LMNTD1: variants seen among roughly 807,000 people sequenced by gnomAD.
LMNTD1 encodes the protein lamin tail domain-containing protein 1.
Under a neutral mutation model 50.9 loss-of-function variants are expected in LMNTD1, and 35 were observed. That is an observed-to-expected ratio of 0.69 (90% CI 0.53 to 0.91). LMNTD1 has a LOEUF of 0.91. Ranked by LOEUF, LMNTD1 falls within the 40% of genes least tolerant of loss-of-function variation. LMNTD1 has a pLI of 0.00. For synonymous variants in LMNTD1, 153 were observed against 161.9 expected (o/e 0.94, Z 0.42); for missense variants, 470 against 475.5 (o/e 0.99, Z 0.11).
At chr12:25,561,254 T>C (rs1443022611) in intron 1 of LMNTD1, among the ~76,000 whole-genome samples, 2 of 152,248 alleles carry the variant, frequency 1.3e-5, no homozygotes, top group African/African-American at 4.8e-5. Flanking sequence ...ATTTTAGGTC[T>C]TTCCTGCTTT....
chr12:25,561,197 T>C (rs960502908), intron 1 of LMNTD1, among the ~76,000 whole-genome samples: 32 of 152,310 alleles, frequency 2.1e-4, no homozygotes, highest in African/African-American at 7.5e-4. Context: ...TTTGAATTTG[T>C]TTGCTCTTGC....
intron 1 of LMNTD1, among the ~76,000 whole-genome samples, chr12:25,588,883 T>C (rs1427233314): frequency 2.6e-5 from 4 of 152,134 alleles, no homozygotes; most frequent in Non-Finnish European, 5.9e-5. Flanking sequence ...ATAAGAAATA[T>C]GCTCAACATT....
intron 1 of LMNTD1, among the ~76,000 whole-genome samples, chr12:25,599,541 T>C (rs1455119134): frequency 6.6e-6 from 1 of 152,028 alleles, no homozygotes; most frequent in Non-Finnish European, 1.5e-5. Context: ...TAATCTTAAA[T>C]TTGGAAAAAC....
chr12:25,546,107 G>C (rs1487909750), intron 4 of LMNTD1, among the ~76,000 whole-genome samples: 1 of 151,624 alleles, frequency 6.6e-6, no homozygotes, highest in Non-Finnish European at 1.5e-5. Context: ...AAAGTGCCTT[G>C]AATAATTGAG....
chr12:25,539,761 C>T (rs1165124002), intron 4 of LMNTD1, among the ~76,000 whole-genome samples: 3 of 123,030 alleles, frequency 2.4e-5, no homozygotes, highest in South Asian at 2.7e-4. Context: ...ACAAAAAACC[C>T]TTTAAAAAAT....
intron 9 of LMNTD1, among the ~76,000 whole-genome samples, chr12:25,486,336 T>C (rs1430433046): frequency 1.3e-5 from 2 of 151,794 alleles, no homozygotes. Context: ...AGAATGCTTG[T>C]GATTTTTGCA....
At chr12:25,522,504 T>C (rs1162301837) in intron 6 of LMNTD1, among the ~76,000 whole-genome samples, 1 of 152,196 alleles carries the variant, frequency 6.6e-6, no homozygotes, top group Non-Finnish European at 1.5e-5. Context: ...GGTTTTATTT[T>C]AGTTCTATCA....
chr12:25,615,323 G>A (rs960370599), intron 1 of LMNTD1, among the ~76,000 whole-genome samples: 1 of 152,114 alleles, frequency 6.6e-6, no homozygotes, highest in African/African-American at 2.4e-5. Flanking sequence ...GAGTGTGTGA[G>A]GTAATTCAGT....
rs919945213 is a variant in LMNTD1 at position 25,563,927 on chromosome 12, C to T, written c.59-17373G>A. ...CTAGCAGTGAGTGAGGCTCCGTAGG[C>T]GTGGGACCCTCCAAGCCATGCGTGG... is the stretch of plus-strand genomic sequence containing the variant. On this transcript the variant is annotated intron_variant, in intron 1 of 7. Transcript: ENST00000445693. Among the ~76,000 whole-genome samples, 5 of 152,150 alleles carry T rather than the reference C, an allele frequency of 3.3e-5. No homozygotes were observed. The South Asian group carries it at 6.2e-4, about 19-fold the overall frequency.
chr12:25,602,815 G>A (rs1046795513), intron 1 of LMNTD1, among the ~76,000 whole-genome samples: 2 of 151,952 alleles, frequency 1.3e-5, no homozygotes, highest in Admixed American at 1.3e-4. Flanking sequence ...AAAATCAGCT[G>A]AAACAAACGA....
At chr12:25,526,256 T>G (rs1253687730) in intron 5 of LMNTD1, 38 bp from the exon 6 acceptor site, 3 of 1,594,088 alleles carry the variant, frequency 1.9e-6, no homozygotes, top group African/African-American at 1.4e-5. Flanking sequence ...CCACTGGAGT[T>G]GAACACAATT....
chr12:25,626,138 T>C (rs189314606), intron 1 of LMNTD1, among the ~76,000 whole-genome samples: 6 of 152,330 alleles, frequency 3.9e-5, no homozygotes, highest in Non-Finnish European at 7.3e-5. Context: ...AAACAATGTG[T>C]CAGAAAAACA....
chr12:25,504,312 A>G (rs538593931), intron 8 of LMNTD1, among the ~76,000 whole-genome samples: 162 of 152,138 alleles, frequency 1.1e-3, no homozygotes, highest in African/African-American at 3.8e-3. Flanking sequence ...ATGTCAGTCA[A>G]CTCCAGCCTG....
chr12:25,611,308 A>G, intron 1 of LMNTD1, among the ~76,000 whole-genome samples: 1 of 152,226 alleles, frequency 6.6e-6, no homozygotes, highest in East Asian at 1.9e-4. Flanking sequence ...ATTTTTAAAA[A>G]CATTACTAAT....
chr12:25,575,195 C>T (rs1390781589), intron 1 of LMNTD1, among the ~76,000 whole-genome samples: 1 of 152,098 alleles, frequency 6.6e-6, no homozygotes, highest in Non-Finnish European at 1.5e-5. Flanking sequence ...TGGCATGAAG[C>T]TGGGACACCC....
At chr12:25,501,205 G>A (rs1001515510) in intron 9 of LMNTD1, among the ~76,000 whole-genome samples, 3 of 152,200 alleles carry the variant, frequency 2.0e-5, no homozygotes, top group Non-Finnish European at 4.4e-5. Flanking sequence ...TGACCAGGCT[G>A]CCTTTGAACT....
chr12:25,543,581 ATT>A (rs1943238505), intron 4 of LMNTD1, among the ~76,000 whole-genome samples: 1 of 151,258 alleles, frequency 6.6e-6, no homozygotes, highest in East Asian at 1.9e-4. Context: ...TCTCAATTTC[ATT>A]TATTTTTCTC....
intron 9 of LMNTD1, among the ~76,000 whole-genome samples, chr12:25,480,109 G>A (rs1379678942): frequency 1.3e-5 from 2 of 152,196 alleles, no homozygotes; most frequent in Admixed American, 6.5e-5. Flanking sequence ...ACCCAATGGT[G>A]AGCACTCACG....
intron 4 of LMNTD1, among the ~76,000 whole-genome samples, chr12:25,528,997 T>G (rs903887148): frequency 2.0e-5 from 3 of 152,148 alleles, no homozygotes; most frequent in South Asian, 4.1e-4. Flanking sequence ...CTTATTTACT[T>G]CACAACCACC....
Sources: gnomAD v4.1 joint callset for allele counts (sites outside exome capture counted in the v4.1 genomes callset) on GRCh38, gnomAD v4.1.1 for gene constraint, MANE v1.5 for transcripts, NCBI Gene and HGNC (gene_info 2026-07-23, HGNC 2026-07-21) for gene names.